The following LRRC8D variants were observed in gnomAD, a reference collection of about 807,000 sequenced individuals.
LRRC8D encodes volume-regulated anion channel subunit LRRC8D.
A neutral mutation model predicts 55.8 loss-of-function variants in LRRC8D; 20 were observed. The observed-to-expected ratio is 0.36, with a 90% CI of 0.25 to 0.52. The LOEUF is 0.52. Among genes scored for constraint, LRRC8D ranks in the 20% least tolerant of loss-of-function variants. The probability of loss-of-function intolerance (pLI) is 0.93; values close to 1 mark genes in which losing one functional copy is unlikely to be tolerated. For missense variants in LRRC8D, 651 were observed against 1,030.8 expected (o/e 0.63, Z 5.05); for synonymous variants, 352 against 377.0 (o/e 0.93, Z 0.77).
intron 2 of LRRC8D, among the ~76,000 whole-genome samples, chr1:89,900,789 A>G (rs1197753928): frequency 2.0e-5 from 3 of 152,196 alleles, no homozygotes; most frequent in East Asian, 3.9e-4. Flanking sequence ...CATCAAGACT[A>G]TTGTTAATGC....
chr1:89,906,543 A>G, intron 2 of LRRC8D, among the ~76,000 whole-genome samples: 1 of 152,154 alleles, frequency 6.6e-6, no homozygotes. Context: ...TTTAAAGTAG[A>G]CTGTGACTGG....
chr1:89,882,554 A>G (rs1021782897), intron 2 of LRRC8D, among the ~76,000 whole-genome samples: 1 of 152,212 alleles, frequency 6.6e-6, no homozygotes, highest in African/African-American at 2.4e-5. Context: ...CAGGGAGGTT[A>G]TAGTCCATCT....
At chr1:89,903,175 C>T (rs1220926463) in intron 2 of LRRC8D, among the ~76,000 whole-genome samples, 1 of 152,196 alleles carries the variant, frequency 6.6e-6, no homozygotes, top group Non-Finnish European at 1.5e-5. Flanking sequence ...TGTGTCTCTT[C>T]TCTTCATCAT....
Position 89,843,728 on chromosome 1 carries a change from C to T in LRRC8D, c.-57C>T, listed in dbSNP as rs752523817. ...CGTGGTTCCAGCCTCCGGAGCTCGC[C>T]CAAGCCGCGTCCCCAGAGAGCGCCC... On this transcript the variant is annotated 5_prime_UTR_variant, in exon 2 of 3. Transcript: ENST00000337338. 106 of 701,660 alleles carry T rather than the reference C, an allele frequency of 1.5e-4. No individual in the cohort carries two copies. The highest frequency in any genetic ancestry group is 1.5e-4 in the Non-Finnish European group (57 of 384,552). 43.5% of individuals were successfully genotyped at this position (701,660 alleles called of 1,614,324 possible).
At chr1:89,840,490 G>A (rs1661107489) in intron 1 of LRRC8D, among the ~76,000 whole-genome samples, 1 of 152,214 alleles carries the variant, frequency 6.6e-6, no homozygotes, top group South Asian at 2.1e-4. Flanking sequence ...AAAGAGAAAT[G>A]TGGCTGCCCT....
chr1:89,932,246 G>T (rs1423323405), intron 2 of LRRC8D, among the ~76,000 whole-genome samples: 1 of 152,174 alleles, frequency 6.6e-6, no homozygotes, highest in Non-Finnish European at 1.5e-5. Context: ...TCCTGGTGCT[G>T]ACTTATTCAG....
intron 1 of LRRC8D, among the ~76,000 whole-genome samples, chr1:89,823,813 C>A (rs772787933): frequency 3.3e-5 from 5 of 152,086 alleles, no homozygotes; most frequent in Admixed American, 2.0e-4. Flanking sequence ...GTCTAAGAAT[C>A]CAGGGTGTGT....
At chr1:89,870,216 C>T (rs1661970967) in intron 2 of LRRC8D, among the ~76,000 whole-genome samples, 1 of 152,112 alleles carries the variant, frequency 6.6e-6, no homozygotes. Context: ...GTGGCTCACA[C>T]CTGTAATCCC....
chr1:89,874,368 A>G (rs528512198), intron 2 of LRRC8D, among the ~76,000 whole-genome samples: 4 of 152,148 alleles, frequency 2.6e-5, no homozygotes, highest in African/African-American at 7.2e-5. Context: ...ATCTATAATG[A>G]GATGGAGTTG....
chr1:89,848,314 C>T (rs1007792965), intron 2 of LRRC8D, among the ~76,000 whole-genome samples: 4 of 152,190 alleles, frequency 2.6e-5, no homozygotes, highest in Admixed American at 6.5e-5. Flanking sequence ...CCACCACCAC[C>T]ACCAGCCCTA....
chr1:89,923,978 T>C (rs1663489722), intron 2 of LRRC8D, among the ~76,000 whole-genome samples: 1 of 152,180 alleles, frequency 6.6e-6, no homozygotes, highest in Non-Finnish European at 1.5e-5. Context: ...ATAAAAACTC[T>C]GAAGAAAACC....
intron 2 of LRRC8D, among the ~76,000 whole-genome samples, chr1:89,854,519 CA>C (rs1661502849): frequency 6.6e-6 from 1 of 152,172 alleles, no homozygotes; most frequent in Non-Finnish European, 1.5e-5. Flanking sequence ...GAAGGAGCAG[CA>C]GACTTAACAT....
At chr1:89,924,751 C>T (rs1419908476) in intron 2 of LRRC8D, among the ~76,000 whole-genome samples, 1 of 152,030 alleles carries the variant, frequency 6.6e-6, no homozygotes, top group East Asian at 1.9e-4. Context: ...AAGAATATAT[C>T]ATGTTTTTTG....
At chr1:89,837,373 C>T (rs2154322) in intron 1 of LRRC8D, among the ~76,000 whole-genome samples, 146,092 of 152,232 alleles carry the variant, frequency 0.96, 70,369 homozygotes, top group Middle Eastern at 1. Context: ...AGCCCCTCAC[C>T]CCACTCCTCC....
Position 89,933,164 on chromosome 1 carries a change from T to C in LRRC8D, c.96T>C (p.Ala32=), listed in dbSNP as rs1570901368. 6.2e-7 allele frequency: 1 copy of C among 1,614,240 alleles called. No homozygotes were observed. The highest frequency in any genetic ancestry group is 2.2e-5 in the East Asian group (1 of 44,888). The change falls in exon 3 of 3, where the codon GCT becomes GCC. Residue 32 remains alanine (A), a synonymous_variant. Transcript: ENST00000337338. This position sits in a 1 kb window ranked among gnomAD's most constrained non-coding sequence, Gnocchi z 7.0. ...GGGATGTGTTTATGGATTACCTAGC[T>C]GTTGTTATGTTAATGGTAGCCATCT... is the stretch of plus-strand genomic sequence containing the variant. ...PWWDVFMDYL[A]VVMLMVAIFA...
chr1:89,884,858 C>G (rs934481163), intron 2 of LRRC8D, among the ~76,000 whole-genome samples: 1 of 152,094 alleles, frequency 6.6e-6, no homozygotes, highest in East Asian at 1.9e-4. Flanking sequence ...GCCTTTGTGC[C>G]CTTAGACCCG....
At chr1:89,851,781 AT>A (rs767389799) in intron 2 of LRRC8D, among the ~76,000 whole-genome samples, 29 of 152,136 alleles carry the variant, frequency 1.9e-4, no homozygotes, top group Non-Finnish European at 3.7e-4. Flanking sequence ...AAGTGCTAGG[AT>A]TACAGGCATG....
chr1:89,935,524 A>G lies in LRRC8D; in HGVS notation c.2456A>G (p.Gln819Arg), dbSNP rs1663826804. 1 of 1,614,130 alleles carries G rather than the reference A, an allele frequency of 6.2e-7. No homozygotes were observed. The highest frequency in any genetic ancestry group is 1.3e-5 in the African/African-American group (1 of 74,956). ...CLDRLPAQLG[Q>R]CRMLKKSGLV... ...GACCGCCTGCCAGCCCAGCTGGGCC[A>G]GTGTCGGATGCTCAAGAAAAGCGGG... The change falls in exon 3 of 3, where the codon CAG becomes CGG. Residue 819 changes from glutamine to arginine, a missense_variant. Coordinates refer to ENST00000337338, the MANE Select transcript of LRRC8D (RefSeq NM_001134479.2).
intron 2 of LRRC8D, among the ~76,000 whole-genome samples, chr1:89,877,671 C>T (rs1662180686): frequency 6.6e-6 from 1 of 152,166 alleles, no homozygotes; most frequent in Non-Finnish European, 1.5e-5. Context: ...CGGTGGTTCA[C>T]CTCCTTCCAC....
Sources: allele counts gnomAD v4.1 joint callset (sites outside exome capture counted in the v4.1 genomes callset), GRCh38; gene constraint gnomAD v4.1.1; non-coding constraint Gnocchi (gnomAD v3.1); transcripts MANE v1.5; gene names NCBI Gene and HGNC (gene_info 2026-07-23, HGNC 2026-07-21).